COL4A2: variants seen among roughly 807,000 people sequenced by gnomAD.
COL4A2 encodes the protein collagen type IV alpha 2 chain.
In COL4A2, 99 loss-of-function variants were observed where a neutral mutation model predicts 200.2. That is an observed-to-expected ratio of 0.49 (90% CI 0.42 to 0.58). The LOEUF is 0.58. Ranked by LOEUF, COL4A2 falls within the 20% of genes least tolerant of loss-of-function variation. COL4A2 has a pLI of 0.00. For synonymous variants in COL4A2, 897 were observed against 900.6 expected (o/e 1.00, Z 0.07); for missense variants, 1,950 against 2,314.1 (o/e 0.84, Z 3.23).
intron 40 of COL4A2, 113 bp from the exon 41 acceptor site, chr13:110,501,555 T>G: frequency 1.2e-6 from 1 of 862,718 alleles, no homozygotes; most frequent in African/African-American, 1.7e-5. Context: ...CTCCCATCAC[T>G]GTCTCGCTCG....
chr13:110,506,054 G>A (rs748835259), intron 45 of COL4A2, among the ~76,000 whole-genome samples: 6 of 152,180 alleles, frequency 3.9e-5, no homozygotes, highest in East Asian at 1.9e-4. Flanking sequence ...GAAGGAGAGC[G>A]ATGGTTCTAG....
chr13:110,471,254 G>A (rs1882458326), intron 28 of COL4A2, among the ~76,000 whole-genome samples: 1 of 152,194 alleles, frequency 6.6e-6, no homozygotes, highest in South Asian at 2.1e-4. Context: ...AGGGGGGAAT[G>A]GATGGGATGC....
At chr13:110,402,979 C>T (rs988215385) in intron 4 of COL4A2, among the ~76,000 whole-genome samples, 4 of 152,186 alleles carry the variant, frequency 2.6e-5, no homozygotes, top group African/African-American at 7.2e-5. Context: ...CTGGGGCAGC[C>T]GAGGAGCACT....
chr13:110,499,707 C>A (rs1404596078), intron 40 of COL4A2, among the ~76,000 whole-genome samples: 1 of 152,226 alleles, frequency 6.6e-6, no homozygotes, highest in Non-Finnish European at 1.5e-5. Context: ...TTAGGACGAT[C>A]CATGGGGGCT....
intron 4 of COL4A2, among the ~76,000 whole-genome samples, chr13:110,363,620 G>A (rs79911279): frequency 0.013 from 2,014 of 152,204 alleles, 61 homozygotes; most frequent in East Asian, 0.1. Flanking sequence ...CCAGCCTTGG[G>A]GAAGGAAAGG....
intron 4 of COL4A2, among the ~76,000 whole-genome samples, chr13:110,411,366 A>G (rs761197222): frequency 2.6e-5 from 4 of 152,244 alleles, no homozygotes; most frequent in African/African-American, 7.2e-5. Flanking sequence ...GAAGGTAGAG[A>G]AAGCATAGGT....
rs561763662 is a variant in COL4A2 at position 110,493,782 on chromosome 13, T to C, written c.3634+500T>C. The stretch of plus-strand genomic sequence containing the variant: ...ACCAAAATGGGTTTCCTCCCAGTTC[T>C]GGAGGCTGGGATCAGCATGCCAGCG... On this transcript the variant is annotated intron_variant, in intron 39 of 47. Transcript: ENST00000360467. 2.0e-5 allele frequency among the ~76,000 whole-genome samples: 3 copies of C among 151,320 alleles called. No individual in the cohort carries two copies. The East Asian group carries it at 6.0e-4, about 30-fold the overall frequency.
intron 3 of COL4A2, among the ~76,000 whole-genome samples, chr13:110,326,705 G>A (rs1295239602): frequency 1.3e-5 from 2 of 152,178 alleles, no homozygotes; most frequent in African/African-American, 2.4e-5. Context: ...TGCCTCATCA[G>A]TGACTCCTGG....
chr13:110,495,233 TG>T (rs1323009770), intron 39 of COL4A2, 108 bp from the exon 40 acceptor site: 30 of 1,294,690 alleles, frequency 2.3e-5, no homozygotes, highest in Non-Finnish European at 3.1e-5. Flanking sequence ...TCACCATGGC[TG>T]CCTCTGTTTC....
chr13:110,424,586 C>T, intron 4 of COL4A2, 148 bp from the exon 5 acceptor site: 1 of 497,368 alleles, frequency 2.0e-6, no homozygotes, highest in Non-Finnish European at 3.5e-6. Context: ...GCTATCATGG[C>T]AGTAGATGAT....
intron 47 of COL4A2, among the ~76,000 whole-genome samples, chr13:110,509,700 A>G (rs1884022752): frequency 6.6e-6 from 1 of 152,166 alleles, no homozygotes; most frequent in Non-Finnish European, 1.5e-5. Context: ...CAGGTTTCAA[A>G]TGACTGTCAC....
Position 110,424,756 on chromosome 13 carries a change from C to A in COL4A2, c.203C>A (p.Pro68His). The change falls in exon 5 of 48, where the codon CCC becomes CAC. Residue 68 changes from proline (P) to histidine (H), a missense_variant. Pro to His is a moderately conservative substitution (Grantham distance 77). Coordinates refer to ENST00000360467, the MANE Select transcript of COL4A2 (RefSeq NM_001846.4). ...GGRGQPGPVGPQGYNGPPGLQ... is the reference protein window; with the variant it reads ...GGRGQPGPVGHQGYNGPPGLQ... ...CAGGGTCAGCCTGGGCCAGTGGGCC[C>A]CCAGGGGTACAATGGGCCACCAGGA... 6.2e-7 allele frequency: 1 copy of A among 1,611,750 alleles called. No individual in the cohort carries two copies. The highest frequency in any genetic ancestry group is 8.5e-7 in the Non-Finnish European group (1 of 1,178,022).
At chr13:110,470,609 C>T (rs1482533678) in intron 28 of COL4A2, among the ~76,000 whole-genome samples, 1 of 152,192 alleles carries the variant, frequency 6.6e-6, no homozygotes, top group Non-Finnish European at 1.5e-5. Context: ...AGGACCCCCA[C>T]TTATCAGGAT....
intron 4 of COL4A2, among the ~76,000 whole-genome samples, chr13:110,384,360 A>G (rs1410482675): frequency 1.3e-5 from 2 of 152,104 alleles, no homozygotes; most frequent in Non-Finnish European, 2.9e-5. Context: ...GAACTCTAAA[A>G]CCCTCCTTAA....
chr13:110,491,608 C>T (rs550841775), intron 37 of COL4A2, among the ~76,000 whole-genome samples: 1 of 152,302 alleles, frequency 6.6e-6, no homozygotes, highest in East Asian at 1.9e-4. Context: ...CATATAGAAG[C>T]CGACGGTTTG....
chr13:110,402,756 CTGT>C (rs1879417558), intron 4 of COL4A2, among the ~76,000 whole-genome samples: 1 of 152,268 alleles, frequency 6.6e-6, no homozygotes, highest in African/African-American at 2.4e-5. Flanking sequence ...TGTGGGGCCT[CTGT>C]TGTTGGCCCT....
chr13:110,474,794 T>A (rs9555708), intron 29 of COL4A2, among the ~76,000 whole-genome samples: 2 of 46,492 alleles, frequency 4.3e-5, no homozygotes, highest in South Asian at 1.5e-3. Flanking sequence ...CGTGCCTGTG[T>A]ACACTCACAC....
chr13:110,469,294 G>A lies in COL4A2; in HGVS notation c.2173G>A (p.Ala725Thr), dbSNP rs769608611. 3.8e-6 allele frequency: 6 copies of A among 1,597,718 alleles called. No homozygotes were observed. The highest frequency in any genetic ancestry group is 1.8e-4 in the Middle Eastern group (1 of 5,698). Residue 725 changes from alanine to threonine, a missense_variant, in exon 28 of 48, where the codon GCA becomes ACA. By Grantham distance (58) the Ala-to-Thr change is moderately conservative. Coordinates refer to ENST00000360467, the MANE Select transcript of COL4A2 (RefSeq NM_001846.4). ...AGGGCCCAGGGGCTTGCCAGGAGAC[G>A]CAGGTCGTGAAGGGTTCCCAGGACC... is the stretch of plus-strand genomic sequence containing the variant. ...GPGPRGLPGD[A>T]GREGFPGPPG...
In COL4A2 at chr13:110,507,806, T is replaced by C. The variant is rs1883936215; in HGVS notation, c.4595-129T>C. Reference sequence around the variant, plus strand: ...GGGAAGCCTTAGCCTGGCCCTCCAGTAGGTGGCTAAACTCCACCAGGTGCC... The same window carrying C: ...GGGAAGCCTTAGCCTGGCCCTCCAGCAGGTGGCTAAACTCCACCAGGTGCC... On this transcript the variant is annotated intron_variant, in intron 46 of 47. Coordinates refer to ENST00000360467, the MANE Select transcript of COL4A2 (RefSeq NM_001846.4). 7 of 884,932 alleles carry C rather than the reference T, an allele frequency of 7.9e-6. No homozygotes were observed. In the Admixed American group the frequency reaches 1.6e-4, roughly 20 times the overall value. 54.8% of individuals were successfully genotyped at this position (884,932 alleles called of 1,614,324 possible).
Sources: gnomAD v4.1 joint callset for allele counts (sites outside exome capture counted in the v4.1 genomes callset) on GRCh38, gnomAD v4.1.1 for gene constraint, MANE v1.5 for transcripts, NCBI Gene and HGNC (gene_info 2026-07-23, HGNC 2026-07-21) for gene names.